SEMA5A: variants seen among roughly 807,000 people sequenced by gnomAD.
The protein encoded by SEMA5A is semaphorin-5A.
Under a neutral mutation model 135.5 loss-of-function variants are expected in SEMA5A, and 55 were observed. The ratio of observed to expected loss-of-function variants is 0.41; its 90% CI spans 0.33 to 0.51. The LOEUF (loss-of-function observed/expected upper bound fraction) is 0.51, where lower values mean the gene tolerates loss of function less well. Ranked by LOEUF, SEMA5A falls within the 20% of genes least tolerant of loss-of-function variation. The pLI is 0.37. For synonymous variants in SEMA5A, 580 were observed against 546.5 expected (o/e 1.06, Z -0.85); for missense variants, 1,290 against 1,419.9 (o/e 0.91, Z 1.47).
At chr5:9,293,668 C>T (rs1751194807) in intron 5 of SEMA5A, among the ~76,000 whole-genome samples, 1 of 152,176 alleles carries the variant, frequency 6.6e-6, no homozygotes, top group Admixed American at 6.5e-5. Flanking sequence ...TTCTCTTTTA[C>T]TTTTCTTTCT....
chr5:9,223,223 A>C (rs1005391272), intron 8 of SEMA5A, among the ~76,000 whole-genome samples: 1 of 152,196 alleles, frequency 6.6e-6, no homozygotes, highest in African/African-American at 2.4e-5. Context: ...CAATAGAGTC[A>C]TTTAGTTTAC....
At chr5:9,456,417 GA>G (rs1272822751) in intron 1 of SEMA5A, among the ~76,000 whole-genome samples, 1 of 152,044 alleles carries the variant, frequency 6.6e-6, no homozygotes, top group African/African-American at 2.4e-5. Context: ...AACAAAACAA[GA>G]AAATTAAAAA....
chr5:9,361,704 T>G (rs902612127), intron 3 of SEMA5A, among the ~76,000 whole-genome samples: 12 of 152,220 alleles, frequency 7.9e-5, no homozygotes, highest in Non-Finnish European at 1.6e-4. Flanking sequence ...GGTGCAAAAG[T>G]AATTGCTCTT....
intron 12 of SEMA5A, among the ~76,000 whole-genome samples, chr5:9,148,774 C>T (rs907660642): frequency 6.6e-6 from 1 of 152,122 alleles, no homozygotes; most frequent in Non-Finnish European, 1.5e-5. Context: ...GGCTGGAGTG[C>T]AGTGGTGTGA....
At chr5:9,419,091 A>ATT (rs11313934) in intron 2 of SEMA5A, among the ~76,000 whole-genome samples, 30 of 150,530 alleles carry the variant, frequency 2.0e-4, no homozygotes, top group South Asian at 4.2e-4. Flanking sequence ...GATTTCAAGC[A>ATT]TTTTTTTTTT....
Position 9,040,022 on chromosome 5 carries a change from C to CCTAT in SEMA5A, c.*2871_*2874dup, listed in dbSNP as rs1331678880. 4 of 152,110 alleles carry CCTAT rather than the reference C, an allele frequency of 2.6e-5. No individual in the cohort carries two copies. Among genetic ancestry groups the CCTAT allele is most frequent in the Non-Finnish European group, 4.4e-5 (3 of 68,028 alleles). 9.4% of individuals were successfully genotyped at this position (152,110 alleles called of 1,614,324 possible). A position where few individuals can be genotyped will look rare whatever the true frequency, so the allele number is the denominator to read the frequency against. Reference sequence around the variant, plus strand: ...AAGCCAGCTTCCTCATGAAAACCAGCCTATCTCCAACTGTATTCAGAAATA... The same window carrying CCTAT: ...AAGCCAGCTTCCTCATGAAAACCAGCCTATCTATCTCCAACTGTATTCAGAAATA... On this transcript the variant is annotated 3_prime_UTR_variant, in exon 23 of 23. Coordinates refer to ENST00000382496, the MANE Select transcript of SEMA5A (RefSeq NM_003966.3).
At chr5:9,052,825 T>C (rs1736663308) in intron 19 of SEMA5A, among the ~76,000 whole-genome samples, 1 of 152,062 alleles carries the variant, frequency 6.6e-6, no homozygotes, top group Non-Finnish European at 1.5e-5. Context: ...AAAAAAACTC[T>C]GGATATTGTT....
intron 4 of SEMA5A, among the ~76,000 whole-genome samples, chr5:9,331,913 G>A (rs372341025): frequency 8.5e-5 from 13 of 152,172 alleles, no homozygotes; most frequent in African/African-American, 3.1e-4. Context: ...AAACGAAAAG[G>A]ATCAGAAATC....
rs10695963 is a variant in SEMA5A, at chr5:9,038,731, C to CTTT, written c.*4163_*4165dup. ...AGAGACCCCCCGCTAAGACTTTGTT[C>CTTT]TTTTTTTTTTTTTTTGAGACAGGGT... is the stretch of plus-strand genomic sequence containing the variant. On this transcript the variant is annotated 3_prime_UTR_variant, in exon 23 of 23. Coordinates refer to ENST00000382496, the MANE Select transcript of SEMA5A (RefSeq NM_003966.3). 850 of 140,532 alleles carry CTTT rather than the reference C, an allele frequency of 6.0e-3. 15 individuals are homozygous for CTTT. The highest frequency in any genetic ancestry group is 0.036 in the East Asian group (171 of 4,744). 8.7% of individuals were successfully genotyped at this position (140,532 alleles called of 1,614,324 possible).
intron 19 of SEMA5A, 180 bp downstream of exon 19, chr5:9,053,907 G>T (rs773572291): frequency 5.1e-6 from 3 of 593,974 alleles, no homozygotes; most frequent in Middle Eastern, 3.1e-4. Flanking sequence ...AGCTCAGTGA[G>T]AACTATTTTA....
chr5:9,225,161 T>C (rs905467826), intron 7 of SEMA5A, among the ~76,000 whole-genome samples: 5 of 152,116 alleles, frequency 3.3e-5, no homozygotes, highest in African/African-American at 1.2e-4. Context: ...GATCATTGTA[T>C]ATATGCCTTT....
chr5:9,053,799 G>A (rs1162544007), intron 19 of SEMA5A: 10 of 284,564 alleles, frequency 3.5e-5, no homozygotes, highest in Non-Finnish European at 6.5e-5. Context: ...AGGGAGATTG[G>A]GTGTTGTAAC....
intron 16 of SEMA5A, among the ~76,000 whole-genome samples, chr5:9,073,119 G>A (rs11739474): frequency 0.099 from 15,031 of 152,070 alleles, 881 homozygotes; most frequent in African/African-American, 0.14. Flanking sequence ...ATCAAAACCA[G>A]ACAAAGACAG....
chr5:9,388,382 A>ATT (rs1755988729), intron 2 of SEMA5A, among the ~76,000 whole-genome samples: 1 of 151,894 alleles, frequency 6.6e-6, no homozygotes, highest in Non-Finnish European at 1.5e-5. Context: ...GGCAATATTA[A>ATT]TTTTATCTGT....
intron 1 of SEMA5A, among the ~76,000 whole-genome samples, chr5:9,457,509 C>G (rs546914591): frequency 1.3e-5 from 2 of 152,246 alleles, no homozygotes; most frequent in South Asian, 4.1e-4. Context: ...TCATAACAAA[C>G]AAATATTTCT....
At chr5:9,224,929 A>G in intron 7 of SEMA5A, 42 bp from the exon 8 acceptor site, 2 of 1,553,722 alleles carry the variant, frequency 1.3e-6, no homozygotes, top group Non-Finnish European at 1.8e-6. Flanking sequence ...TCTCTGCACA[A>G]GCCCCTTTAG....
rs368996256 is a variant in SEMA5A, at chr5:9,206,469, T to C, written c.647-4229A>G. 2.6e-5 allele frequency among the ~76,000 whole-genome samples: 4 copies of C among 151,054 alleles called. No homozygotes were observed. In the East Asian group the frequency reaches 5.9e-4, roughly 22 times the overall value. On this transcript the variant is annotated intron_variant, in intron 8 of 22. Coordinates refer to ENST00000382496, the MANE Select transcript of SEMA5A (RefSeq NM_003966.3). ...ATTACAAGTGATGCGAAGAAAAACA[T>C]CAAAAATTTTGAGATTTCGACCACG...
chr5:9,454,290 G>C (rs1758752482), intron 1 of SEMA5A, among the ~76,000 whole-genome samples: 1 of 152,296 alleles, frequency 6.6e-6, no homozygotes. Context: ...CTTCTCATCA[G>C]ATAATGATCT....
chr5:9,122,234 G>A (rs2150184461), intron 14 of SEMA5A, among the ~76,000 whole-genome samples: 1 of 152,282 alleles, frequency 6.6e-6, no homozygotes, highest in East Asian at 1.9e-4. Flanking sequence ...GTTAGCTCAG[G>A]TGAGGTGCTC....
Sources: allele counts gnomAD v4.1 joint callset (sites outside exome capture counted in the v4.1 genomes callset), GRCh38; gene constraint gnomAD v4.1.1; transcripts MANE v1.5; gene names NCBI Gene and HGNC (gene_info 2026-07-23, HGNC 2026-07-21).